Variants in IP6K1 observed in about 807,000 individuals in gnomAD.
The protein encoded by IP6K1 is inositol hexakisphosphate kinase 1.
In IP6K1, 13 loss-of-function variants were observed where a neutral mutation model predicts 38.3. The ratio of observed to expected loss-of-function variants is 0.34; its 90% CI spans 0.22 to 0.54. The LOEUF (loss-of-function observed/expected upper bound fraction) is 0.54, where lower values mean the gene tolerates loss of function less well. Among genes scored for constraint, IP6K1 ranks in the 20% least tolerant of loss-of-function variants. The pLI, the probability that IP6K1 is intolerant of heterozygous loss-of-function variation, is 0.92. For synonymous variants in IP6K1, 212 were observed against 229.9 expected (o/e 0.92, Z 0.70); for missense variants, 397 against 599.8 (o/e 0.66, Z 3.53).
intron 1 of IP6K1, among the ~76,000 whole-genome samples, chr3:49,756,817 CAAAAAA>C (rs59808252): frequency 0.02 from 2,679 of 133,226 alleles, 40 homozygotes; most frequent in Non-Finnish European, 0.029. Context: ...AACTCCATCT[CAAAAAA>C]AAAAAAAAAA....
In IP6K1 at chr3:49,724,954, A is replaced by C. The variant is rs1040389364; in HGVS notation, c.*2168T>G. 2.6e-5 allele frequency: 4 copies of C among 152,960 alleles called. No individual in the cohort carries two copies. Among genetic ancestry groups the C allele is most frequent in the African/African-American group, 9.6e-5 (4 of 41,466 alleles). 9.5% of individuals were successfully genotyped at this position (152,960 alleles called of 1,614,324 possible). A position where few individuals can be genotyped will look rare whatever the true frequency, so the allele number is the denominator to read the frequency against. ...CTTTGTTCCCAAGTTGGGGCTAAGA[A>C]GGCTGGGCCTGGCAGGGACAGGGCT... On this transcript the variant is annotated 3_prime_UTR_variant, in exon 6 of 6. Coordinates refer to ENST00000321599, the MANE Select transcript of IP6K1 (RefSeq NM_153273.4).
intron 1 of IP6K1, among the ~76,000 whole-genome samples, chr3:49,766,681 A>T (rs2080914098): frequency 6.7e-6 from 1 of 150,002 alleles, no homozygotes; most frequent in Admixed American, 6.7e-5. Context: ...AAAAAGAAAG[A>T]AATCAGCCAG....
chr3:49,774,010 C>CACACACA (rs1328096117), intron 1 of IP6K1, among the ~76,000 whole-genome samples: 1 of 143,638 alleles, frequency 7.0e-6, no homozygotes, highest in Non-Finnish European at 1.5e-5. Flanking sequence ...CACACACACA[C>CACACACA]ACACACACAA....
At chr3:49,760,777 G>T (rs2108249086) in intron 1 of IP6K1, among the ~76,000 whole-genome samples, 1 of 152,138 alleles carries the variant, frequency 6.6e-6, no homozygotes, top group South Asian at 2.1e-4. Context: ...GAATTAAACA[G>T]CCTGAACATG....
intron 2 of IP6K1, among the ~76,000 whole-genome samples, chr3:49,743,769 G>A (rs2080695595): frequency 6.6e-6 from 1 of 151,846 alleles, no homozygotes; most frequent in African/African-American, 2.4e-5. Flanking sequence ...ATAGGCACCT[G>A]CCAGCACACC....
rs1189313550 is a variant in IP6K1, at chr3:49,772,241, A to ATG, written c.-129+14111_-129+14112dup. On this transcript the variant is annotated intron_variant, in intron 1 of 5. Transcript: ENST00000321599. Reference sequence around the variant, plus strand: ...AAAAAAAAAATATATATATATATATATGTGTGTGTGTGTGTAACACATATA... The same window carrying ATG: ...AAAAAAAAAATATATATATATATATATGTGTGTGTGTGTGTGTAACACATATA... Among the ~76,000 whole-genome samples the ATG allele has an allele frequency of 7.1e-3, 1,006 of 141,166 alleles. 13 individuals are homozygous for ATG. Among genetic ancestry groups the ATG allele is most frequent in the African/African-American group, 0.021 (792 of 38,590 alleles). The allele number at this position is 141,166 out of a possible 152,430, so 92.6% of individuals were successfully genotyped here.
chr3:49,766,588 C>T (rs1276506253), intron 1 of IP6K1, among the ~76,000 whole-genome samples: 1 of 150,952 alleles, frequency 6.6e-6, no homozygotes, highest in East Asian at 1.9e-4. Flanking sequence ...CACTTGAACC[C>T]GGGACGCAGA....
rs1012348157 is a variant in IP6K1, at chr3:49,726,656, A to T, written c.*466T>A. 2 of 180,112 alleles carry T rather than the reference A, an allele frequency of 1.1e-5. No homozygotes were observed. Among genetic ancestry groups the T allele is most frequent in the East Asian group, 1.5e-4 (1 of 6,718 alleles). The allele number at this position is 180,112 out of a possible 1,614,324, so 11.2% of individuals were successfully genotyped here. On this transcript the variant is annotated 3_prime_UTR_variant, in exon 6 of 6. Transcript: ENST00000321599. ...TAAAGAGCTAGCTGACACCCACAGCATAAGACTGGAAAGCCCCCAAGAAAT... is the reference window on the plus strand; with the variant it reads ...TAAAGAGCTAGCTGACACCCACAGCTTAAGACTGGAAAGCCCCCAAGAAAT...
At chr3:49,759,370 A>C (rs545234193) in intron 1 of IP6K1, among the ~76,000 whole-genome samples, 1 of 152,174 alleles carries the variant, frequency 6.6e-6, no homozygotes, top group Non-Finnish European at 1.5e-5. Flanking sequence ...TACAACTCCA[A>C]TGAGTTTTAT....
At chr3:49,762,655 T>A (rs536566956) in intron 1 of IP6K1, among the ~76,000 whole-genome samples, 1 of 152,274 alleles carries the variant, frequency 6.6e-6, no homozygotes, top group East Asian at 1.9e-4. Context: ...CCAGACTAGG[T>A]TTCACTAGTG....
chr3:49,725,318 ATC>A lies in IP6K1; in HGVS notation c.*1802_*1803del, dbSNP rs2080488897. ...CCCTCCACCCTACCAGGGAATGACT[ATC>A]TACACTAATGAAGGGCTACTGCCCC... On this transcript the variant is annotated 3_prime_UTR_variant, in exon 6 of 6. Coordinates refer to ENST00000321599, the MANE Select transcript of IP6K1 (RefSeq NM_153273.4). The A allele has an allele frequency of 6.6e-6, 1 of 152,434 alleles. No homozygotes were observed. The highest frequency in any genetic ancestry group is 6.5e-5 in the Admixed American group (1 of 15,280). 9.4% of individuals were successfully genotyped at this position (152,434 alleles called of 1,614,324 possible). A position where few individuals can be genotyped will look rare whatever the true frequency, so the allele number is the denominator to read the frequency against.
chr3:49,756,443 T>C (rs1313473688), intron 1 of IP6K1, among the ~76,000 whole-genome samples: 3 of 151,828 alleles, frequency 2.0e-5, no homozygotes, highest in East Asian at 3.9e-4. Flanking sequence ...TACTAAGAAG[T>C]GGGGGAAAGG....
chr3:49,761,771 GAGAA>G (rs1450157986), intron 1 of IP6K1, among the ~76,000 whole-genome samples: 1 of 152,078 alleles, frequency 6.6e-6, no homozygotes, highest in African/African-American at 2.4e-5. Flanking sequence ...CTGGTCAACA[GAGAA>G]AGACTCTGTC....
rs2080475208 is a variant in IP6K1 at position 49,724,350 on chromosome 3, G to A, written c.*2772C>T. The A allele has an allele frequency of 6.6e-6, 1 of 152,318 alleles. No individual in the cohort carries two copies. The highest frequency in any genetic ancestry group is 2.4e-5 in the African/African-American group (1 of 41,456). The allele number at this position is 152,318 out of a possible 1,614,324, so 9.4% of individuals were successfully genotyped here. On this transcript the variant is annotated 3_prime_UTR_variant, in exon 6 of 6. Transcript: ENST00000321599. ...ACGACCTCAGACACAAGCGGGGCGG[G>A]CAGCGCTAGGTGTACAGAAAGGAGC...
intron 1 of IP6K1, among the ~76,000 whole-genome samples, chr3:49,777,033 G>A (rs2081022581): frequency 6.6e-6 from 1 of 152,048 alleles, no homozygotes; most frequent in South Asian, 2.1e-4. Flanking sequence ...TCAGGAGTTC[G>A]AGACAAGCCT....
intron 3 of IP6K1, among the ~76,000 whole-genome samples, chr3:49,737,936 A>T (rs1205783874): frequency 6.6e-6 from 1 of 152,210 alleles, no homozygotes; most frequent in African/African-American, 2.4e-5. Context: ...GACATAATGA[A>T]AAGCCAGAGA....
intron 1 of IP6K1, among the ~76,000 whole-genome samples, chr3:49,750,342 G>T (rs1210450861): frequency 6.6e-6 from 1 of 152,164 alleles, no homozygotes; most frequent in Admixed American, 6.6e-5. Context: ...TCATTGGGTG[G>T]CTGGGAAAAG....
At chr3:49,761,779 C>G (rs1402219970) in intron 1 of IP6K1, among the ~76,000 whole-genome samples, 2 of 152,016 alleles carry the variant, frequency 1.3e-5, no homozygotes, top group East Asian at 3.9e-4. Context: ...CAGAGAAAGA[C>G]TCTGTCTCTA....
At chr3:49,758,861 T>A (rs904349850) in intron 1 of IP6K1, among the ~76,000 whole-genome samples, 1 of 151,838 alleles carries the variant, frequency 6.6e-6, no homozygotes, top group African/African-American at 2.4e-5. Flanking sequence ...TCTGGGAGGC[T>A]GAGACAGGAG....
Sources: allele counts gnomAD v4.1 joint callset (sites outside exome capture counted in the v4.1 genomes callset), GRCh38; gene constraint gnomAD v4.1.1; transcripts MANE v1.5; gene names NCBI Gene and HGNC (gene_info 2026-07-23, HGNC 2026-07-21).